PLEKHN1: variants seen among roughly 807,000 people sequenced by gnomAD.
The protein encoded by PLEKHN1 is pleckstrin homology domain-containing family N member 1.
A neutral mutation model predicts 72.8 loss-of-function variants in PLEKHN1; 68 were observed. The ratio of observed to expected loss-of-function variants is 0.93; its 90% CI spans 0.77 to 1.14. The LOEUF (loss-of-function observed/expected upper bound fraction) is 1.14. PLEKHN1 is among the 50% of genes most tolerant of loss of function. PLEKHN1 has a pLI of 0.00. For missense variants in PLEKHN1, 1,015 were observed against 840.5 expected, an observed-to-expected ratio of 1.21 and a Z score of -2.57; for synonymous variants, 454 against 371.6, an observed-to-expected ratio of 1.22 and a Z score of -2.55.
At position 972,417 on chromosome 1, in the gene PLEKHN1, G is replaced by A. The variant is rs766328055; in HGVS notation, c.995G>A (p.Gly332Glu). ...PPLPGAESFP[G>E]SQVMGSGRGS... Reference sequence around the variant, plus strand: ...CTGCCTGGTGCCGAGAGCTTCCCAGGGTCGCAGGTGAGGGGTCAATAGGCC... The same window carrying A: ...CTGCCTGGTGCCGAGAGCTTCCCAGAGTCGCAGGTGAGGGGTCAATAGGCC... Residue 332 changes from glycine to glutamate, a missense_variant, in exon 10 of 16, where the codon GGG becomes GAG. Gly to Glu is a moderately conservative substitution (Grantham distance 98). Transcript: ENST00000379410. 5.1e-6 allele frequency: 8 copies of A among 1,572,990 alleles called. No homozygotes were observed. In the Admixed American group the frequency reaches 1.1e-4, roughly 22 times the overall value.
At chr1:967,384 C>CGG (rs1055555847) in intron 2 of PLEKHN1, among the ~76,000 whole-genome samples, 1 of 151,228 alleles carries the variant, frequency 6.6e-6, no homozygotes, top group Non-Finnish European at 1.5e-5. Flanking sequence ...CCACCCCCCC[C>CGG]CCAGCCCCTG....
rs566633855 is a variant in PLEKHN1, at chr1:974,373, G to A, written c.1702+9G>A. 1.5e-4 allele frequency: 236 copies of A among 1,613,012 alleles called. 1 individual carries two copies. In the South Asian group the frequency reaches 2.3e-3, roughly 16 times the overall value. On this transcript the variant is annotated intron_variant, in intron 15 of 15. Coordinates refer to ENST00000379410, the MANE Select transcript of PLEKHN1 (RefSeq NM_032129.3). ...CTGGCTGCCTCTGACAGGTGAGTAA[G>A]GATCCTGCCTCCTGAGGTGAGTGCC...
In PLEKHN1 at chr1:970,159, A is replaced by G. The variant is rs1255498123; in HGVS notation, c.184-118A>G. 1.8e-6 allele frequency: 2 copies of G among 1,103,634 alleles called. No homozygotes were observed. The highest frequency in any genetic ancestry group is 2.5e-5 in the Admixed American group (1 of 39,276). The allele number at this position is 1,103,634 out of a possible 1,614,324, so 68.4% of individuals were successfully genotyped here. ...GCCTGTGGGGGGCTGTTCTTCACAT[A>G]TGTGTTGTGTGGCTATGCACAGGCA... On this transcript the variant is annotated intron_variant, in intron 2 of 15. Coordinates refer to ENST00000379410, the MANE Select transcript of PLEKHN1 (RefSeq NM_032129.3). The surrounding 1 kb of genome is among the most constrained non-coding windows in gnomAD (Gnocchi z 4.2).
intron 13 of PLEKHN1, 28 bp downstream of exon 13, chr1:973,668 G>T (rs750247948): frequency 2.5e-6 from 4 of 1,607,668 alleles, no homozygotes; most frequent in South Asian, 1.1e-5. Flanking sequence ...TGACAGAAAG[G>T]GTGGGAGGTG....
rs777712614 is a variant in PLEKHN1, at chr1:971,155, G to T, written c.655G>T (p.Gly219Cys). 6.3e-7 allele frequency: 1 copy of T among 1,599,902 alleles called. No individual in the cohort carries two copies. Among genetic ancestry groups the T allele is most frequent in the Non-Finnish European group, 8.5e-7 (1 of 1,174,248 alleles). Reference protein sequence around the residue: ...RLRTASGHEPGGSAVCASRVK... With the variant: ...RLRTASGHEPCGSAVCASRVK... ...GCGGACGGCGTCAGGGCACGAACCCGGCGGCAGTGCTGTCTGTGCCTCGAG... is the reference window on the plus strand; with the variant it reads ...GCGGACGGCGTCAGGGCACGAACCCTGCGGCAGTGCTGTCTGTGCCTCGAG... The change falls in exon 7 of 16, where the codon GGC becomes TGC. Residue 219 changes from glycine to cysteine, a missense_variant. Gly to Cys is a radical substitution (Grantham distance 159, BLOSUM62 -3). Transcript: ENST00000379410.
At chr1:973,442 G>A (rs1174363035) in intron 12 of PLEKHN1, 58 bp from the exon 13 acceptor site, 12 of 1,595,450 alleles carry the variant, frequency 7.5e-6, no homozygotes, top group Admixed American at 1.7e-5. Context: ...GCACAGAGAA[G>A]GGGTGGCCTA....
In PLEKHN1 at chr1:970,984, G is replaced by A. The variant is rs370898773; in HGVS notation, c.590G>A (p.Arg197His). The part of the protein sequence containing the change: ...KQTALLGGPR[R>H]CHSAPPQRRL... ...ACGGCCCTCCTCGGGGGGCCGCGGC[G>A]CTGCCACTCGGCACCCCCACAGGTC... Residue 197 changes from arginine to histidine, a missense_variant, in exon 6 of 16, where the codon CGC becomes CAC. Coordinates refer to ENST00000379410, the MANE Select transcript of PLEKHN1 (RefSeq NM_032129.3). The surrounding 1 kb of genome is among the most constrained non-coding windows in gnomAD (Gnocchi z 4.2). 154 of 1,604,260 alleles carry A rather than the reference G, an allele frequency of 9.6e-5. 1 individual carries two copies. The highest frequency in any genetic ancestry group is 5.1e-4 in the African/African-American group (38 of 74,832).
At position 970,256 on chromosome 1, in the gene PLEKHN1, C is replaced by G; in HGVS notation, c.184-21C>G. On this transcript the variant is annotated intron_variant, in intron 2 of 15. Transcript: ENST00000379410. The surrounding 1 kb of genome is among the most constrained non-coding windows in gnomAD (Gnocchi z 4.2). Reference sequence around the variant, plus strand: ...GGGGGGCCCAGGGGAGGCCCCCTCCCCTGAGCTCTACTCCTCCTAGGACAT... The same window carrying G: ...GGGGGGCCCAGGGGAGGCCCCCTCCGCTGAGCTCTACTCCTCCTAGGACAT... The G allele has an allele frequency of 6.2e-7, 1 of 1,611,278 alleles. No homozygotes were observed. Among genetic ancestry groups the G allele is most frequent in the Non-Finnish European group, 8.5e-7 (1 of 1,179,004 alleles).
At chr1:973,115 C>T (rs1419734630) in intron 11 of PLEKHN1, 71 bp from the exon 12 acceptor site, 1 of 1,499,368 alleles carries the variant, frequency 6.7e-7, no homozygotes, top group East Asian at 2.5e-5. Flanking sequence ...GAGGGAGCCC[C>T]TTGCAGCCTC....
intron 2 of PLEKHN1, among the ~76,000 whole-genome samples, chr1:967,392 C>G (rs1014530052): frequency 1.3e-5 from 2 of 150,930 alleles, no homozygotes; most frequent in African/African-American, 4.9e-5. Context: ...CCCCCAGCCC[C>G]TGTGGGACTA....
At position 967,747 on chromosome 1, in the gene PLEKHN1, AG is replaced by A. The variant is rs1643087727; in HGVS notation, c.183+945del. ...TTCGGAAACCACGCTGCCTCAGAGG[AG>A]TGGGCAGGGAGAGGGAGCCGGGCTG... is the stretch of plus-strand genomic sequence containing the variant. On this transcript the variant is annotated intron_variant, in intron 2 of 15. Coordinates refer to ENST00000379410, the MANE Select transcript of PLEKHN1 (RefSeq NM_032129.3). Among the ~76,000 whole-genome samples, 6 of 152,198 alleles carry A rather than the reference AG, an allele frequency of 3.9e-5. No individual in the cohort carries two copies. The South Asian group carries it at 1.2e-3, about 32-fold the overall frequency.
Position 974,375 on chromosome 1 carries a change from A to ATCCT in PLEKHN1, c.1702+12_1702+15dup, listed in dbSNP as rs1643509485. On this transcript the variant is annotated intron_variant, in intron 15 of 15. Coordinates refer to ENST00000379410, the MANE Select transcript of PLEKHN1 (RefSeq NM_032129.3). ...GGCTGCCTCTGACAGGTGAGTAAGG[A>ATCCT]TCCTGCCTCCTGAGGTGAGTGCCTG... 1 of 1,612,926 alleles carries ATCCT rather than the reference A, an allele frequency of 6.2e-7. No homozygotes were observed. The highest frequency in any genetic ancestry group is 8.5e-7 in the Non-Finnish European group (1 of 1,179,982).
chr1:967,849 C>A (rs538140980), intron 2 of PLEKHN1, among the ~76,000 whole-genome samples: 31 of 152,278 alleles, frequency 2.0e-4, no homozygotes, highest in African/African-American at 7.0e-4. Flanking sequence ...GCAGTGTGAC[C>A]CTGGGGGGTC....
At position 972,912 on chromosome 1, in the gene PLEKHN1, G is replaced by A; in HGVS notation, c.1054G>A (p.Asp352Asn). ...SLSSGGQTSW[D>N]SGCLAPPSTR... ...CTCCTCAGGCGGACAGACCAGCTGG[G>A]ACTCGGGGTGCTTGGCGCCCCCCTC... Residue 352 changes from aspartate to asparagine, a missense_variant, in exon 11 of 16, where the codon GAC becomes AAC. Physicochemically the swap from Asp to Asn is conservative, Grantham distance 23 (BLOSUM62 1). Coordinates refer to ENST00000379410, the MANE Select transcript of PLEKHN1 (RefSeq NM_032129.3). The A allele has an allele frequency of 6.4e-7, 1 of 1,560,098 alleles. No homozygotes were observed. Among genetic ancestry groups the A allele is most frequent in the Non-Finnish European group, 8.7e-7 (1 of 1,151,950 alleles).
rs546776224 is a variant in PLEKHN1 at position 970,247 on chromosome 1, GC to G, written c.184-25del. The G allele has an allele frequency of 6.5e-4, 1,050 of 1,607,138 alleles. No individual in the cohort carries two copies. The highest frequency in any genetic ancestry group is 8.4e-4 in the Non-Finnish European group (990 of 1,177,034). ...GGAGGGGGTGGGGGGCCCAGGGGAG[GC>G]CCCCTCCCCTGAGCTCTACTCCTCC... On this transcript the variant is annotated intron_variant, in intron 2 of 15. Transcript: ENST00000379410. This position sits in a 1 kb window ranked among gnomAD's most constrained non-coding sequence, Gnocchi z 4.2.
rs779838807 is a variant in PLEKHN1 at position 974,023 on chromosome 1, G to A, written c.1625G>A (p.Gly542Glu). The change falls in exon 14 of 16, where the codon GGG becomes GAG. Residue 542 changes from glycine to glutamate, a missense_variant. Physicochemically the swap from Gly to Glu is moderately conservative, Grantham distance 98. Coordinates refer to ENST00000379410, the MANE Select transcript of PLEKHN1 (RefSeq NM_032129.3). ...CACCGGGGCTCAGCCAAGGATGGGG[G>A]GCCGCAGCCCCCAGACGCCCCTCAG... Reference protein sequence around the residue: ...QRHRGSAKDGGPQPPDAPQLV... With the variant: ...QRHRGSAKDGEPQPPDAPQLV... 1 of 1,598,268 alleles carries A rather than the reference G, an allele frequency of 6.3e-7. No homozygotes were observed. The highest frequency in any genetic ancestry group is 1.7e-5 in the Admixed American group (1 of 58,500).
At chr1:971,251 G>C (rs1225369573) in intron 7 of PLEKHN1, 43 bp downstream of exon 7, 7 of 1,557,226 alleles carry the variant, frequency 4.5e-6, no homozygotes, top group Non-Finnish European at 6.1e-6. Context: ...TGGGAGGGGT[G>C]CATGGTGGTG....
At position 973,915 on chromosome 1, in the gene PLEKHN1, A is replaced by C; in HGVS notation, c.1517A>C (p.Asp506Ala). The change falls in exon 14 of 16, where the codon GAC becomes GCC. Residue 506 changes from aspartate to alanine, a missense_variant. Transcript: ENST00000379410. Reference sequence around the variant, plus strand: ...GTGCCTGTGTCTGTGCCTGCCTCTGACCCTCGCTCCTGCTCCTCCGGCCCC... The same window carrying C: ...GTGCCTGTGTCTGTGCCTGCCTCTGCCCCTCGCTCCTGCTCCTCCGGCCCC... ...PSVPVSVPAS[D>A]PRSCSSGPAG... 1 of 1,611,160 alleles carries C rather than the reference A, an allele frequency of 6.2e-7. No individual in the cohort carries two copies. Among genetic ancestry groups the C allele is most frequent in the African/African-American group, 1.3e-5 (1 of 74,890 alleles).
rs1171097763 is a variant in PLEKHN1 at position 971,111 on chromosome 1, A to C, written c.613-2A>C. 6.3e-7 allele frequency: 1 copy of C among 1,594,066 alleles called. No homozygotes were observed. The highest frequency in any genetic ancestry group is 1.7e-5 in the Admixed American group (1 of 57,552). On this transcript the variant is annotated splice_acceptor_variant, in intron 6 of 15. Coordinates refer to ENST00000379410, the MANE Select transcript of PLEKHN1 (RefSeq NM_032129.3). LOFTEE classifies it high-confidence loss of function. The stretch of plus-strand genomic sequence containing the variant: ...GGAGACGAACTCCCCTGGACTTTGC[A>C]GCGCCGTCTAACCCGGCTGCGGACG...
Sources: gnomAD v4.1 joint callset for allele counts (sites outside exome capture counted in the v4.1 genomes callset) on GRCh38, gnomAD v4.1.1 for gene constraint, Gnocchi (gnomAD v3.1) non-coding constraint, MANE v1.5 for transcripts, NCBI Gene and HGNC (gene_info 2026-07-23, HGNC 2026-07-21) for gene names.